KIF20B: variants seen among roughly 807,000 people sequenced by gnomAD.
KIF20B encodes kinesin-like protein KIF20B.
KIF20B carries 188 observed loss-of-function variants against 232.5 expected under a neutral mutation model. The ratio of observed to expected loss-of-function variants is 0.81; its 90% CI spans 0.72 to 0.91. KIF20B has a LOEUF of 0.91. KIF20B is among the 40% of genes least tolerant of loss of function. KIF20B has a pLI of 0.00. For missense variants in KIF20B, 2,154 were observed against 2,055.9 expected (o/e 1.05, Z -0.92); for synonymous variants, 712 against 683.0 (o/e 1.04, Z -0.66).
chr10:89,744,716 C>T (rs926347843), intron 22 of KIF20B, among the ~76,000 whole-genome samples: 2 of 152,078 alleles, frequency 1.3e-5, no homozygotes, highest in African/African-American at 4.8e-5. Flanking sequence ...AAAAAAAATA[C>T]ATTTGTTATA....
At position 89,719,622 on chromosome 10, in the gene KIF20B, A is replaced by G. The variant is rs1319216228; in HGVS notation, c.1638A>G (p.Gln546=). Residue 546 remains glutamine, a synonymous_variant, in exon 13 of 33, where the codon CAA becomes CAG. Coordinates refer to ENST00000371728, the MANE Select transcript of KIF20B (RefSeq NM_001284259.2). The part of the protein sequence containing the change: ...VEELENAEET[Q]NVETKLLDED... ...AGCTAGAAAACGCTGAAGAAACTCA[A>G]AATGTGGAAACTAAACTTCTTGATG... is the stretch of plus-strand genomic sequence containing the variant. 1.2e-5 allele frequency: 19 copies of G among 1,613,218 alleles called. No homozygotes were observed. The highest frequency in any genetic ancestry group is 1.5e-5 in the Non-Finnish European group (18 of 1,179,500).
chr10:89,734,821 G>T (rs1273572150), intron 19 of KIF20B, among the ~76,000 whole-genome samples: 1 of 152,296 alleles, frequency 6.6e-6, no homozygotes, highest in Middle Eastern at 3.4e-3. Flanking sequence ...ATTACATGCA[G>T]CAGTGCTGTC....
intron 2 of KIF20B, among the ~76,000 whole-genome samples, chr10:89,708,292 A>T (rs574054782): frequency 6.6e-6 from 1 of 151,832 alleles, no homozygotes; most frequent in East Asian, 1.9e-4. Flanking sequence ...GCTCACCGCA[A>T]TCTCTGCCTC....
In KIF20B at chr10:89,768,898, AAATT is replaced by A. The variant is rs750600066; in HGVS notation, c.5242+17_5242+20del. 2.4e-5 allele frequency: 37 copies of A among 1,574,258 alleles called. No individual in the cohort carries two copies. Among genetic ancestry groups the A allele is most frequent in the African/African-American group, 6.9e-5 (5 of 72,242 alleles). On this transcript the variant is annotated intron_variant, in intron 31 of 32. Coordinates refer to ENST00000371728, the MANE Select transcript of KIF20B (RefSeq NM_001284259.2). ...ATTCTTCAATCAAAAGGTTTGCAGA[AAATT>A]AATTAAATGACCTTTTTTTGTTAGA... is the stretch of plus-strand genomic sequence containing the variant.
intron 31 of KIF20B, 130 bp downstream of exon 31, chr10:89,769,018 G>T: frequency 1.5e-6 from 1 of 682,128 alleles, no homozygotes; most frequent in Non-Finnish European, 2.3e-6. Flanking sequence ...CCTATACTAG[G>T]TACTGTGGGA....
chr10:89,711,067 AGAATACTT>A lies in KIF20B; in HGVS notation c.598_605del (p.Glu200LysfsTer13), dbSNP rs1429627002. ...TGAACCTTAAACCACATAGATCCAG[AGAATACTT>A]AAGGTTATCATCAGAACAAGAGAAA... On this transcript the variant is annotated frameshift_variant, in exon 6 of 33. Coordinates refer to ENST00000371728, the MANE Select transcript of KIF20B (RefSeq NM_001284259.2). LOFTEE classifies it high-confidence loss of function. 2 of 1,607,602 alleles carry A rather than the reference AGAATACTT, an allele frequency of 1.2e-6. No homozygotes were observed. Among genetic ancestry groups the A allele is most frequent in the Non-Finnish European group, 1.7e-6 (2 of 1,176,166 alleles).
At chr10:89,723,818 T>C in intron 13 of KIF20B, 146 bp from the exon 14 acceptor site, 1 of 719,476 alleles carries the variant, frequency 1.4e-6, no homozygotes, top group Non-Finnish European at 1.9e-6. Context: ...AAACATATAA[T>C]TTTCAGTGAG....
At chr10:89,757,040 G>GTATATATATA (rs34325599) in intron 26 of KIF20B, among the ~76,000 whole-genome samples, 2,799 of 110,394 alleles carry the variant, frequency 0.025, 58 homozygotes, top group Non-Finnish European at 0.036. Context: ...GTGTGTGTGT[G>GTATATATATA]TATATATATA....
rs1589856155 is a variant in KIF20B, at chr10:89,718,784, A to G, written c.1346A>G (p.Lys449Arg). 1 of 1,611,218 alleles carries G rather than the reference A, an allele frequency of 6.2e-7. No individual in the cohort carries two copies. The highest frequency in any genetic ancestry group is 1.1e-5 in the South Asian group (1 of 90,790). Residue 449 changes from lysine (K) to arginine (R), a missense_variant, in exon 12 of 33, where the codon AAA (lysine) becomes AGA (arginine). Transcript: ENST00000371728. ...CAAAGTTTTTTTAATGGTAAAGGGAAAATTTGTATGATTGTCAATATCAGC... is the reference window on the plus strand; with the variant it reads ...CAAAGTTTTTTTAATGGTAAAGGGAGAATTTGTATGATTGTCAATATCAGC... ...YFQSFFNGKG[K>R]ICMIVNISQC... is the part of the protein sequence containing the mutation.
intron 26 of KIF20B, among the ~76,000 whole-genome samples, chr10:89,755,427 C>T (rs1462474215): frequency 1.9e-4 from 22 of 114,838 alleles, no homozygotes; most frequent in Admixed American, 1.3e-3. Context: ...TCCCTCCCCT[C>T]CCCCCTTTCC....
In KIF20B at chr10:89,729,269, A is replaced by G. The variant is rs750929331; in HGVS notation, c.2391+22A>G. ...CAATGTAAGAATTTAACCTTGTGTT[A>G]TATTAATAAATTAGATAAGCATATG... On this transcript the variant is annotated intron_variant, in intron 18 of 32. Coordinates refer to ENST00000371728, the MANE Select transcript of KIF20B (RefSeq NM_001284259.2). 7.6e-6 allele frequency: 11 copies of G among 1,442,700 alleles called. No homozygotes were observed. In the South Asian group the frequency reaches 9.3e-5, roughly 12 times the overall value. 89.4% of individuals were successfully genotyped at this position (1,442,700 alleles called of 1,614,324 possible).
Position 89,726,281 on chromosome 10 carries a change from T to C in KIF20B, c.2002-12T>C. On this transcript the variant is annotated splice_polypyrimidine_tract_variant and intron_variant, in intron 15 of 32. Transcript: ENST00000371728. Reference sequence around the variant, plus strand: ...CTGTTAATATTAGGCATGTGGTTTTTGCTATTTTTAGGAAACACATAATTA... The same window carrying C: ...CTGTTAATATTAGGCATGTGGTTTTCGCTATTTTTAGGAAACACATAATTA... 2.6e-6 allele frequency: 4 copies of C among 1,541,000 alleles called. No individual in the cohort carries two copies. Among genetic ancestry groups the C allele is most frequent in the Non-Finnish European group, 3.5e-6 (4 of 1,141,930 alleles).
chr10:89,709,523 T>G, intron 4 of KIF20B, 62 bp downstream of exon 4: 2 of 1,064,740 alleles, frequency 1.9e-6, no homozygotes, highest in Non-Finnish European at 2.9e-6. Flanking sequence ...TAGGCTAAAT[T>G]GCTATATAAT....
At chr10:89,766,310 T>C (rs10881663) in intron 29 of KIF20B, 51,733 of 152,736 alleles carry the variant, frequency 0.34, 9,936 homozygotes, top group East Asian at 0.57. Flanking sequence ...TCACCAGCAA[T>C]GGAACAAAGC....
Position 89,738,031 on chromosome 10 carries a change from T to C in KIF20B, c.3190T>C (p.Cys1064Arg), listed in dbSNP as rs1024742853. 5.0e-6 allele frequency: 8 copies of C among 1,613,482 alleles called. No homozygotes were observed. In the East Asian group the frequency reaches 1.3e-4, roughly 27 times the overall value. Residue 1064 changes from cysteine (C) to arginine (R), a missense_variant, in exon 20 of 33, where the codon TGT becomes CGT. Coordinates refer to ENST00000371728, the MANE Select transcript of KIF20B (RefSeq NM_001284259.2). The part of the protein sequence containing the change: ...HSSIEAIWEE[C>R]KEIVKASSKK... ...TAGTATTGAAGCTATTTGGGAAGAATGTAAAGAGATTGTGAAGGCCTCTTC... is the reference window on the plus strand; with the variant it reads ...TAGTATTGAAGCTATTTGGGAAGAACGTAAAGAGATTGTGAAGGCCTCTTC...
intron 21 of KIF20B, among the ~76,000 whole-genome samples, chr10:89,739,683 T>C (rs1227916003): frequency 6.7e-6 from 1 of 150,016 alleles, no homozygotes; most frequent in Admixed American, 6.7e-5. Context: ...TTTTAAACTT[T>C]GAGGTAGTTA....
At chr10:89,759,663 A>T (rs1298663154) in intron 27 of KIF20B, among the ~76,000 whole-genome samples, 1 of 152,180 alleles carries the variant, frequency 6.6e-6, no homozygotes, top group East Asian at 1.9e-4. Flanking sequence ...GAGAAGAATT[A>T]CTTAACATTT....
intron 4 of KIF20B, among the ~76,000 whole-genome samples, 188 bp from the exon 5 acceptor site, chr10:89,709,739 C>T (rs1842800285): frequency 6.6e-6 from 1 of 151,634 alleles, no homozygotes; most frequent in African/African-American, 2.4e-5. Flanking sequence ...ACTTGATTCC[C>T]TGGTACAGAT....
chr10:89,758,370 T>C (rs897307326), intron 26 of KIF20B, among the ~76,000 whole-genome samples: 1 of 152,066 alleles, frequency 6.6e-6, no homozygotes. Flanking sequence ...TTCTGTTGTT[T>C]GTTGCTATTA....
Sources: gnomAD v4.1 joint callset for allele counts (sites outside exome capture counted in the v4.1 genomes callset) on GRCh38, gnomAD v4.1.1 for gene constraint, MANE v1.5 for transcripts, NCBI Gene and HGNC (gene_info 2026-07-23, HGNC 2026-07-21) for gene names.